PRKCE: variants seen among roughly 807,000 people sequenced by gnomAD.
The protein encoded by PRKCE is protein kinase C epsilon type.
PRKCE carries 16 observed loss-of-function variants against 85.4 expected under a neutral mutation model. The observed-to-expected ratio is 0.19, with a 90% confidence interval of 0.13 to 0.28. PRKCE has a LOEUF of 0.28. Among genes scored for constraint, PRKCE ranks in the 10% least tolerant of loss-of-function variants. PRKCE has a pLI of 1.00. For missense variants in PRKCE, 573 were observed against 975.2 expected (o/e 0.59, Z 5.49); for synonymous variants, 388 against 371.5 (o/e 1.04, Z -0.51).
At chr2:46,048,000 TCA>T (rs752047864) in intron 10 of PRKCE, among the ~76,000 whole-genome samples, 26 of 152,332 alleles carry the variant, frequency 1.7e-4, no homozygotes, top group Non-Finnish European at 3.2e-4. Flanking sequence ...GAAGACTAAC[TCA>T]CATATTAATT....
chr2:45,922,781 C>T (rs562831443), intron 2 of PRKCE, among the ~76,000 whole-genome samples: 3 of 152,274 alleles, frequency 2.0e-5, no homozygotes, highest in Admixed American at 2.0e-4. Flanking sequence ...GGAGTTGAGA[C>T]CACACAGTGC....
chr2:45,833,148 A>AG lies in PRKCE; in HGVS notation c.349-9852_349-9851insG, dbSNP rs1297967789. 5.3e-5 allele frequency among the ~76,000 whole-genome samples: 8 copies of AG among 151,844 alleles called. No individual in the cohort carries two copies. In the East Asian group the frequency reaches 1.5e-3, roughly 29 times the overall value. On this transcript the variant is annotated intron_variant, in intron 1 of 14. Transcript: ENST00000306156. Reference sequence around the variant, plus strand: ...GCCTGGGCAACATGGCAAAAAAAAAAAAAAAGAAAAGAAAAGAAAGAAAAA... The same window carrying AG: ...GCCTGGGCAACATGGCAAAAAAAAAAGAAAAAGAAAAGAAAAGAAAGAAAAA...
rs150844525 is a variant in PRKCE at position 45,776,858 on chromosome 2, G to T, written c.349-66142G>T. Among the ~76,000 whole-genome samples, 835 of 152,292 alleles carry T rather than the reference G, an allele frequency of 5.5e-3. 7 individuals are homozygous for T. The highest frequency in any genetic ancestry group is 0.019 in the African/African-American group (798 of 41,552). ...AACTCTCCAAGCAAACTCATTTGAA[G>T]AGTCCACAGACCATTCTTCCTTCTG... is the stretch of plus-strand genomic sequence containing the variant. On this transcript the variant is annotated intron_variant, in intron 1 of 14. Transcript: ENST00000306156.
At chr2:45,690,201 A>G (rs963190252) in intron 1 of PRKCE, among the ~76,000 whole-genome samples, 3 of 152,190 alleles carry the variant, frequency 2.0e-5, no homozygotes, top group Non-Finnish European at 4.4e-5. Flanking sequence ...CTTGGTAAAT[A>G]CTTCATTTAT....
intron 2 of PRKCE, among the ~76,000 whole-genome samples, chr2:45,945,596 C>A (rs1700190005): frequency 6.6e-6 from 1 of 152,222 alleles, no homozygotes; most frequent in Admixed American, 6.5e-5. Flanking sequence ...ACAGCCGTCA[C>A]TGGTTGAGCA....
intron 1 of PRKCE, among the ~76,000 whole-genome samples, chr2:45,719,513 C>G (rs1030748623): frequency 6.6e-6 from 1 of 152,170 alleles, no homozygotes; most frequent in African/African-American, 2.4e-5. Context: ...AAAGCAATGG[C>G]GGGCAGTTGG....
At chr2:45,798,546 C>T (rs1302398606) in intron 1 of PRKCE, among the ~76,000 whole-genome samples, 6 of 152,178 alleles carry the variant, frequency 3.9e-5, no homozygotes, top group African/African-American at 1.2e-4. Context: ...AGCCTCCCAG[C>T]TTGACAAATA....
chr2:46,047,207 G>T (rs1001929379), intron 10 of PRKCE, among the ~76,000 whole-genome samples: 2 of 152,118 alleles, frequency 1.3e-5, no homozygotes, highest in African/African-American at 4.8e-5. Context: ...TGAGTCAAAG[G>T]CTTTCATTGA....
intron 2 of PRKCE, among the ~76,000 whole-genome samples, chr2:45,902,336 G>A (rs1333570174): frequency 6.6e-6 from 1 of 152,140 alleles, no homozygotes. Flanking sequence ...CTGCCTATAA[G>A]CTCTTACCAA....
intron 10 of PRKCE, among the ~76,000 whole-genome samples, chr2:46,023,348 C>T (rs956282959): frequency 6.6e-6 from 1 of 152,202 alleles, no homozygotes; most frequent in Non-Finnish European, 1.5e-5. Context: ...GATGGGCCAA[C>T]CCTGTAACCT....
chr2:45,685,745 G>C (rs1677248555), intron 1 of PRKCE: 3 of 152,300 alleles, frequency 2.0e-5, no homozygotes, highest in African/African-American at 4.8e-5. Context: ...AGCTTTTAAG[G>C]GGGTAGAATG....
At chr2:45,884,146 G>A (rs150777434) in intron 2 of PRKCE, among the ~76,000 whole-genome samples, 12 of 152,298 alleles carry the variant, frequency 7.9e-5, no homozygotes, top group Middle Eastern at 3.4e-3. Context: ...AACCAACACT[G>A]TTTCAGGTGG....
rs1558740772 is a variant in PRKCE at position 45,843,159 on chromosome 2, G to A, written c.412+96G>A. On this transcript the variant is annotated intron_variant, in intron 2 of 14. Coordinates refer to ENST00000306156, the MANE Select transcript of PRKCE (RefSeq NM_005400.3). ...CCCCTTGGCCGGAACACATTATAGT[G>A]ACATTTAATTAATTGGCATCCTTTA... 4.6e-6 allele frequency: 5 copies of A among 1,078,944 alleles called. No homozygotes were observed. The African/African-American group carries it at 4.7e-5, about 10-fold the overall frequency. The allele number at this position is 1,078,944 out of a possible 1,614,324, so 66.8% of individuals were successfully genotyped here. A position where few individuals can be genotyped will look rare whatever the true frequency, so the allele number is the denominator to read the frequency against.
At chr2:46,099,388 A>T (rs568245517) in intron 11 of PRKCE, among the ~76,000 whole-genome samples, 1 of 152,130 alleles carries the variant, frequency 6.6e-6, no homozygotes, top group East Asian at 1.9e-4. Context: ...CCCATACACA[A>T]TGTGCATTTA....
In PRKCE at chr2:45,924,590, C is replaced by T. The variant is rs148394544; in HGVS notation, c.413-51839C>T. Among the ~76,000 whole-genome samples, 635 of 152,300 alleles carry T rather than the reference C, an allele frequency of 4.2e-3. 5 individuals carry two copies. Among genetic ancestry groups the T allele is most frequent in the African/African-American group, 0.015 (613 of 41,560 alleles). On this transcript the variant is annotated intron_variant, in intron 2 of 14. Transcript: ENST00000306156. The stretch of plus-strand genomic sequence containing the variant: ...TTGTTTAACTCACCAGGAAAAATGA[C>T]AGGACTCACTTCCCTACCCCATCAG...
chr2:46,092,852 GTTAGGGAT>G (rs1184427688), intron 11 of PRKCE, among the ~76,000 whole-genome samples: 3 of 152,190 alleles, frequency 2.0e-5, no homozygotes, highest in Non-Finnish European at 4.4e-5. Flanking sequence ...TTGGCACACA[GTTAGGGAT>G]TTGCTGACAT....
intron 10 of PRKCE, among the ~76,000 whole-genome samples, chr2:46,043,351 A>C (rs1227970050): frequency 6.6e-6 from 1 of 152,234 alleles, no homozygotes; most frequent in Non-Finnish European, 1.5e-5. Context: ...CTTATATGGC[A>C]AGACAAACAA....
intron 2 of PRKCE, among the ~76,000 whole-genome samples, chr2:45,856,168 G>C (rs1398329204): frequency 6.6e-6 from 1 of 152,070 alleles, no homozygotes; most frequent in Admixed American, 6.6e-5. Flanking sequence ...TGTGTACATA[G>C]TATAGTGATC....
At position 45,930,638 on chromosome 2, in the gene PRKCE, G is replaced by A. The variant is rs76198604; in HGVS notation, c.413-45791G>A. ...CTCATCATGAACTCTGCTGCCTCAT[G>A]ACTGGGAACAGAGCACCATCGCTTG... is the stretch of plus-strand genomic sequence containing the variant. On this transcript the variant is annotated intron_variant, in intron 2 of 14. Coordinates refer to ENST00000306156, the MANE Select transcript of PRKCE (RefSeq NM_005400.3). Among the ~76,000 whole-genome samples, 965 of 152,334 alleles carry A rather than the reference G, an allele frequency of 6.3e-3. 5 individuals are homozygous for A. Among genetic ancestry groups the A allele is most frequent in the Non-Finnish European group, 0.011 (733 of 68,022 alleles).
Sources: allele counts gnomAD v4.1 joint callset (sites outside exome capture counted in the v4.1 genomes callset), GRCh38; gene constraint gnomAD v4.1.1; transcripts MANE v1.5; gene names NCBI Gene and HGNC (gene_info 2026-07-23, HGNC 2026-07-21).